The following BMP5 variants were observed in gnomAD, a reference collection of about 807,000 sequenced individuals.
BMP5 encodes bone morphogenetic protein 5.
A neutral mutation model predicts 46.6 loss-of-function variants in BMP5; 23 were observed. The ratio of observed to expected loss-of-function variants is 0.49; its 90% CI spans 0.35 to 0.70. The LOEUF is 0.70. Among genes scored for constraint, BMP5 ranks in the 30% least tolerant of loss-of-function variants. The pLI is 0.00. For missense variants in BMP5, 545 were observed against 565.6 expected, an observed-to-expected ratio of 0.96 and a Z score of 0.37; for synonymous variants, 204 against 191.9, an observed-to-expected ratio of 1.06 and a Z score of -0.52.
chr6:55,772,234 C>T (rs1315944720), intron 4 of BMP5, among the ~76,000 whole-genome samples: 1 of 151,792 alleles, frequency 6.6e-6, no homozygotes, highest in Non-Finnish European at 1.5e-5. Flanking sequence ...GATTTCTGCT[C>T]CATGTGTTTT....
intron 2 of BMP5, 120 bp from the exon 3 acceptor site, chr6:55,794,547 A>T: frequency 1.0e-6 from 1 of 955,762 alleles, no homozygotes; most frequent in Non-Finnish European, 1.6e-6. Context: ...GTTAAAGAAC[A>T]AGAGGAACAA....
Position 55,755,014 on chromosome 6 carries a change from A to G in BMP5, c.*519T>C, listed in dbSNP as rs1320412121. 3 of 152,538 alleles carry G rather than the reference A, an allele frequency of 2.0e-5. No homozygotes were observed. The highest frequency in any genetic ancestry group is 2.1e-4 in the South Asian group (1 of 4,874). The allele number at this position is 152,538 out of a possible 1,614,324, so 9.4% of individuals were successfully genotyped here. On this transcript the variant is annotated 3_prime_UTR_variant, in exon 7 of 7. Coordinates refer to ENST00000370830, the MANE Select transcript of BMP5 (RefSeq NM_021073.4). Reference sequence around the variant, plus strand: ...TTTATTTATTCAAATCCAGTTCAACATTTCACTTTATCTAATGAAGCAGGA... The same window carrying G: ...TTTATTTATTCAAATCCAGTTCAACGTTTCACTTTATCTAATGAAGCAGGA...
In BMP5 at chr6:55,819,554, A is replaced by C. The variant is rs73744915; in HGVS notation, c.683+101T>G. The C allele has an allele frequency of 5.6e-3, 5,615 of 1,010,644 alleles. 173 individuals carry two copies. The African/African-American group carries it at 0.073, about 13-fold the overall frequency. The allele number at this position is 1,010,644 out of a possible 1,614,324, so 62.6% of individuals were successfully genotyped here. A position where few individuals can be genotyped will look rare whatever the true frequency, so the allele number is the denominator to read the frequency against. ...CTCTAAATGTTACTACATTGCCCCC[A>C]AAAAAATAATTTGTTTGATAGATCA... is the stretch of plus-strand genomic sequence containing the variant. On this transcript the variant is annotated intron_variant, in intron 2 of 6. Coordinates refer to ENST00000370830, the MANE Select transcript of BMP5 (RefSeq NM_021073.4).
intron 1 of BMP5, among the ~76,000 whole-genome samples, chr6:55,850,926 T>G (rs560022199): frequency 6.6e-6 from 1 of 152,268 alleles, no homozygotes; most frequent in South Asian, 2.1e-4. Flanking sequence ...AGTGATGAAA[T>G]GTTTGTATAC....
chr6:55,871,766 A>T (rs1289026099), intron 1 of BMP5, among the ~76,000 whole-genome samples: 2 of 151,786 alleles, frequency 1.3e-5, no homozygotes, highest in African/African-American at 4.8e-5. Context: ...TTTTAAAAGG[A>T]TGCTACTAGA....
At chr6:55,790,328 C>T (rs1041749662) in intron 3 of BMP5, among the ~76,000 whole-genome samples, 1 of 152,084 alleles carries the variant, frequency 6.6e-6, no homozygotes, top group African/African-American at 2.4e-5. Context: ...TTTTCAATAC[C>T]TACGACCTGC....
At position 55,837,369 on chromosome 6, in the gene BMP5, A is replaced by AGATAGATAGATAGATAGATAGATG. The variant is rs371467921; in HGVS notation, c.491-17523_491-17522insCATCTATCTATCTATCTATCTATC. Among the ~76,000 whole-genome samples the AGATAGATAGATAGATAGATAGATG allele has an allele frequency of 3.2e-3, 479 of 149,076 alleles. 4 individuals carry two copies. Among genetic ancestry groups the AGATAGATAGATAGATAGATAGATG allele is most frequent in the African/African-American group, 6.3e-3 (244 of 38,880 alleles). Reference sequence around the variant, plus strand: ...TAGATAGATAGATAGATAGATAGATAGATAGATAGACAGACAGATAGAAGA... The same window carrying AGATAGATAGATAGATAGATAGATG: ...TAGATAGATAGATAGATAGATAGATAGATAGATAGATAGATAGATAGATGGATAGATAGACAGACAGATAGAAGA... On this transcript the variant is annotated intron_variant, in intron 1 of 6. Coordinates refer to ENST00000370830, the MANE Select transcript of BMP5 (RefSeq NM_021073.4).
At chr6:55,781,356 T>G (rs1284273412) in intron 3 of BMP5, among the ~76,000 whole-genome samples, 1 of 152,132 alleles carries the variant, frequency 6.6e-6, no homozygotes, top group Non-Finnish European at 1.5e-5. Context: ...GGGATTTTAG[T>G]AAAACTATAG....
chr6:55,850,036 T>A (rs1007921968), intron 1 of BMP5, among the ~76,000 whole-genome samples: 1 of 152,130 alleles, frequency 6.6e-6, no homozygotes, highest in Non-Finnish European at 1.5e-5. Context: ...AGGGCCATAC[T>A]TTTTTAGTTT....
At chr6:55,777,983 A>C (rs1775217136) in intron 3 of BMP5, among the ~76,000 whole-genome samples, 1 of 152,030 alleles carries the variant, frequency 6.6e-6, no homozygotes, top group African/African-American at 2.4e-5. Flanking sequence ...TGGCAGCAAC[A>C]GAATGATCTC....
At chr6:55,762,022 T>C (rs574877039) in intron 4 of BMP5, among the ~76,000 whole-genome samples, 1 of 152,234 alleles carries the variant, frequency 6.6e-6, no homozygotes, top group East Asian at 1.9e-4. Flanking sequence ...TTTTGGAATG[T>C]AATCTGAAAT....
intron 1 of BMP5, among the ~76,000 whole-genome samples, chr6:55,862,910 A>T (rs940189942): frequency 5.9e-5 from 9 of 151,986 alleles, no homozygotes; most frequent in African/African-American, 2.2e-4. Context: ...CTTTAAAGGG[A>T]TTTTTGTTGG....
rs1351826497 is a variant in BMP5, at chr6:55,802,059, T to C, written c.684-7632A>G. 4.6e-5 allele frequency among the ~76,000 whole-genome samples: 7 copies of C among 152,304 alleles called. No individual in the cohort carries two copies. The East Asian group carries it at 1.2e-3, about 25-fold the overall frequency. ...ATAGCAAGGATGACTGTTTCTCTCA[T>C]AGCCAGATGTCTCATGGTCTGGAAA... On this transcript the variant is annotated intron_variant, in intron 2 of 6. Transcript: ENST00000370830.
chr6:55,783,903 C>T (rs565221813), intron 3 of BMP5, among the ~76,000 whole-genome samples: 1 of 151,986 alleles, frequency 6.6e-6, no homozygotes, highest in South Asian at 2.1e-4. Flanking sequence ...TAAAAGAAAC[C>T]TTAAAAATTA....
At chr6:55,807,786 G>C (rs1776026131) in intron 2 of BMP5, among the ~76,000 whole-genome samples, 2 of 152,084 alleles carry the variant, frequency 1.3e-5, no homozygotes, top group Admixed American at 1.3e-4. Flanking sequence ...GTTAAGTCTT[G>C]GGAGGGTGTA....
chr6:55,796,365 T>C (rs1034521096), intron 2 of BMP5, among the ~76,000 whole-genome samples: 2 of 151,922 alleles, frequency 1.3e-5, no homozygotes, highest in Admixed American at 6.6e-5. Context: ...AATTGTGCCA[T>C]CTCTTCAGGA....
intron 4 of BMP5, among the ~76,000 whole-genome samples, chr6:55,771,764 C>A (rs75605545): frequency 0.018 from 2,669 of 151,960 alleles, 40 homozygotes; most frequent in Non-Finnish European, 0.03. Flanking sequence ...ATCAGGCAAA[C>A]AGGCAATACA....
chr6:55,849,834 A>C (rs1777183392), intron 1 of BMP5, among the ~76,000 whole-genome samples: 1 of 152,032 alleles, frequency 6.6e-6, no homozygotes, highest in Non-Finnish European at 1.5e-5. Context: ...GTGAATGAAA[A>C]TCATCCTAGA....
intron 1 of BMP5, among the ~76,000 whole-genome samples, chr6:55,843,331 ATAAT>A (rs778468400): frequency 1.1e-4 from 16 of 152,106 alleles, no homozygotes; most frequent in African/African-American, 3.6e-4. Context: ...TATAAACTAG[ATAAT>A]TAAGACATTT....
Sources: allele counts gnomAD v4.1 joint callset (sites outside exome capture counted in the v4.1 genomes callset), GRCh38; gene constraint gnomAD v4.1.1; transcripts MANE v1.5; gene names NCBI Gene and HGNC (gene_info 2026-07-23, HGNC 2026-07-21).